The following ABCB1 variants were observed in gnomAD, a reference collection of about 807,000 sequenced individuals.
ABCB1 encodes ATP binding cassette subfamily B member 1, also known as ATP-dependent translocase ABCB1.
A neutral mutation model predicts 142.0 loss-of-function variants in ABCB1; 69 were observed. The ratio of observed to expected loss-of-function variants is 0.49; its 90% CI spans 0.40 to 0.59. The LOEUF (loss-of-function observed/expected upper bound fraction) is 0.59. Ranked by LOEUF, ABCB1 falls within the 20% of genes least tolerant of loss-of-function variation. The probability of loss-of-function intolerance (pLI) is 0.00; values close to 1 mark genes in which losing one functional copy is unlikely to be tolerated. For synonymous variants in ABCB1, 532 were observed against 539.2 expected (o/e 0.99, Z 0.18); for missense variants, 1,326 against 1,554.7 (o/e 0.85, Z 2.47).
intron 1 of ABCB1, among the ~76,000 whole-genome samples, chr7:87,626,203 AT>A (rs1820484093): frequency 8.1e-6 from 1 of 123,842 alleles, no homozygotes; most frequent in Non-Finnish European, 1.7e-5. Flanking sequence ...TATATATGTC[AT>A]ATATATGTGT....
chr7:87,672,777 T>C (rs1158057201), intron 1 of ABCB1, among the ~76,000 whole-genome samples: 3 of 152,146 alleles, frequency 2.0e-5, no homozygotes, highest in African/African-American at 7.2e-5. Flanking sequence ...GGTCACACAT[T>C]GACTCACTGC....
Position 87,509,164 on chromosome 7 carries a change from T to C in ABCB1, c.3489+111A>G, listed in dbSNP as rs72555389. 6.3e-5 allele frequency: 68 copies of C among 1,079,728 alleles called. No individual in the cohort carries two copies. In the African/African-American group the frequency reaches 8.8e-4, roughly 14 times the overall value. 66.9% of individuals were successfully genotyped at this position (1,079,728 alleles called of 1,614,324 possible). A position where few individuals can be genotyped will look rare whatever the true frequency, so the allele number is the denominator to read the frequency against. ...TGCTTGTATACAGGTAAGGGTGTGATTTGGTTGCTAATTTCTCTTCACTTC... is the reference window on the plus strand; with the variant it reads ...TGCTTGTATACAGGTAAGGGTGTGACTTGGTTGCTAATTTCTCTTCACTTC... On this transcript the variant is annotated intron_variant, in intron 26 of 27. Coordinates refer to ENST00000622132, the MANE Select transcript of ABCB1 (RefSeq NM_001348946.2).
At chr7:87,712,279 G>A (rs1830157731) in intron 1 of ABCB1, among the ~76,000 whole-genome samples, 1 of 152,004 alleles carries the variant, frequency 6.6e-6, no homozygotes, top group Non-Finnish European at 1.5e-5. Context: ...GATAAACAGT[G>A]AGATGATGAT....
At chr7:87,516,763 G>C (rs1815272719) in intron 23 of ABCB1, 98 bp from the exon 24 acceptor site, 2 of 1,232,360 alleles carry the variant, frequency 1.6e-6, no homozygotes, top group Admixed American at 4.4e-5. Flanking sequence ...TTGAGGTGGG[G>C]TCTTCCTGTG....
At chr7:87,670,886 G>C (rs1825758414) in intron 1 of ABCB1, among the ~76,000 whole-genome samples, 1 of 152,192 alleles carries the variant, frequency 6.6e-6, no homozygotes, top group South Asian at 2.1e-4. Context: ...TGTTCTGAAA[G>C]TGTGAGTTTC....
At chr7:87,526,441 G>A (rs1344783383) in intron 21 of ABCB1, among the ~76,000 whole-genome samples, 1 of 151,870 alleles carries the variant, frequency 6.6e-6, no homozygotes, top group Non-Finnish European at 1.5e-5. Flanking sequence ...AGCACTTTGG[G>A]AGACTAAGGC....
At chr7:87,523,369 T>C (rs1332059957) in intron 21 of ABCB1, among the ~76,000 whole-genome samples, 2 of 152,136 alleles carry the variant, frequency 1.3e-5, no homozygotes, top group East Asian at 3.8e-4. Flanking sequence ...GGCTCATGCC[T>C]GTAATCCCAG....
intron 1 of ABCB1, among the ~76,000 whole-genome samples, chr7:87,702,939 C>CT (rs1239077811): frequency 6.6e-6 from 1 of 152,180 alleles, no homozygotes; most frequent in Non-Finnish European, 1.5e-5. Context: ...ACTAACTCAA[C>CT]TAACTCACTC....
intron 8 of ABCB1, among the ~76,000 whole-genome samples, chr7:87,559,811 T>C (rs1248514079): frequency 6.6e-6 from 1 of 152,140 alleles, no homozygotes; most frequent in African/African-American, 2.4e-5. Flanking sequence ...TGGGGAGATG[T>C]TTTCCTCCAG....
At chr7:87,691,017 A>G (rs1420175615) in intron 1 of ABCB1, among the ~76,000 whole-genome samples, 41 of 152,170 alleles carry the variant, frequency 2.7e-4, no homozygotes, top group Non-Finnish European at 1.3e-4. Flanking sequence ...CATCGATTAT[A>G]TCAATCACGA....
At chr7:87,668,141 T>C (rs928097547) in intron 1 of ABCB1, among the ~76,000 whole-genome samples, 1 of 151,826 alleles carries the variant, frequency 6.6e-6, no homozygotes, top group African/African-American at 2.4e-5. Flanking sequence ...TGGTAGGCTA[T>C]TTATTACTGA....
intron 1 of ABCB1, among the ~76,000 whole-genome samples, chr7:87,674,712 G>A (rs1826150388): frequency 1.3e-5 from 2 of 152,108 alleles, no homozygotes; most frequent in Non-Finnish European, 2.9e-5. Context: ...GGCATGATAG[G>A]GCCCCCAGGA....
At chr7:87,605,389 C>T (rs1195343490), upstream of ABCB1, among the ~76,000 whole-genome samples, 1 of 152,186 alleles carries the variant, frequency 6.6e-6, no homozygotes, top group Non-Finnish European at 1.5e-5. Context: ...CCACCTCAGC[C>T]TCCCAAAGTG....
chr7:87,661,061 CTTTA>C (rs913962116), intron 1 of ABCB1, among the ~76,000 whole-genome samples: 12 of 151,516 alleles, frequency 7.9e-5, no homozygotes, highest in Admixed American at 3.9e-4. Flanking sequence ...CATTTTTTGG[CTTTA>C]TTTATTGATA....
At chr7:87,520,689 C>A (rs971823908) in intron 22 of ABCB1, 87 bp downstream of exon 22, 1 of 1,202,774 alleles carries the variant, frequency 8.3e-7, no homozygotes, top group Non-Finnish European at 1.2e-6. Context: ...TTGCTCCCTA[C>A]CTTCTAGCCA....
chr7:87,565,189 A>G (rs1817739209), intron 7 of ABCB1, among the ~76,000 whole-genome samples: 1 of 152,212 alleles, frequency 6.6e-6, no homozygotes, highest in African/African-American at 2.4e-5. Flanking sequence ...TAAAATTTCT[A>G]CAGTTTCTTA....
intron 23 of ABCB1, 65 bp from the exon 24 acceptor site, chr7:87,516,730 C>CATT: frequency 9.2e-7 from 1 of 1,087,496 alleles, no homozygotes; most frequent in Non-Finnish European, 1.2e-6. Flanking sequence ...AGCTGACACT[C>CATT]CTTTTTTTTT....
Position 87,541,419 on chromosome 7 carries a change from T to C in ABCB1, c.2257A>G (p.Asn753Asp), listed in dbSNP as rs200152744. 7.1e-5 allele frequency: 115 copies of C among 1,609,822 alleles called. No individual in the cohort carries two copies. The highest frequency in any genetic ancestry group is 9.2e-5 in the Non-Finnish European group (108 of 1,176,208). ...DDPETKRQNS[N>D]LFSLLFLALG... ...GCTAGAAACAATAGTGAAAACAAGT[T>C]ACTATTCTGTCGTTTTGTTTCAGGA... Residue 753 changes from asparagine (N) to aspartate (D), a missense_variant, in exon 18 of 28, where the codon AAC (asparagine) becomes GAC (aspartate). Asn to Asp is a conservative substitution (Grantham distance 23, BLOSUM62 1). Coordinates refer to ENST00000622132, the MANE Select transcript of ABCB1 (RefSeq NM_001348946.2).
intron 1 of ABCB1, among the ~76,000 whole-genome samples, chr7:87,614,970 C>T (rs184747649): frequency 1.1e-4 from 17 of 152,070 alleles, no homozygotes; most frequent in Admixed American, 2.0e-4. Flanking sequence ...CTCAGCCTCC[C>T]GAGTAGCTGG....
Sources: gnomAD v4.1 joint callset for allele counts (sites outside exome capture counted in the v4.1 genomes callset) on GRCh38, gnomAD v4.1.1 for gene constraint, MANE v1.5 for transcripts, NCBI Gene and HGNC (gene_info 2026-07-23, HGNC 2026-07-21) for gene names.